CC2D2B: variants seen among roughly 807,000 people sequenced by gnomAD.
CC2D2B encodes coiled-coil and C2 domain containing 2B, also known as protein CC2D2B.
CC2D2B carries 128 observed loss-of-function variants against 161.2 expected under a neutral mutation model. That is an observed-to-expected ratio of 0.79 (90% confidence interval 0.69 to 0.92). The LOEUF (loss-of-function observed/expected upper bound fraction) is 0.92. CC2D2B is among the 40% of genes least tolerant of loss of function. CC2D2B has a pLI of 0.00. For synonymous variants in CC2D2B, 391 were observed against 449.8 expected (o/e 0.87, Z 1.65); for missense variants, 1,173 against 1,375.1 (o/e 0.85, Z 2.32).
chr10:95,966,258 A>G lies in CC2D2B; in HGVS notation c.1422A>G (p.Gln474=). ...TAAAGCCAATTACCTTGAGGCCACA[A>G]CTTTCTTTCACTGCAGAATTAACAA... is the stretch of plus-strand genomic sequence containing the variant. ...ERIKPITLRP[Q]LSFTAELTSL... Residue 474 remains glutamine (Q), a synonymous_variant, in exon 14 of 35, where the codon CAA becomes CAG. Transcript: ENST00000646931. 8.2e-7 allele frequency: 1 copy of G among 1,224,468 alleles called. No homozygotes were observed. 75.9% of individuals were successfully genotyped at this position (1,224,468 alleles called of 1,614,324 possible). A position where few individuals can be genotyped will look rare whatever the true frequency, so the allele number is the denominator to read the frequency against.
chr10:96,019,065 C>T, intron 30 of CC2D2B, 138 bp from the exon 31 acceptor site: 1 of 647,856 alleles, frequency 1.5e-6, no homozygotes, highest in Non-Finnish European at 2.5e-6. Flanking sequence ...CCTCAGCCTC[C>T]CAAAGAGCCG....
chr10:95,931,958 GT>G (rs2075617526), intron 6 of CC2D2B, among the ~76,000 whole-genome samples: 1 of 152,200 alleles, frequency 6.6e-6, no homozygotes, highest in African/African-American at 2.4e-5. Context: ...TCATTCATCT[GT>G]CTAATATTGA....
At chr10:95,971,226 TA>T in intron 15 of CC2D2B, among the ~76,000 whole-genome samples, 1 of 151,818 alleles carries the variant, frequency 6.6e-6, no homozygotes, top group Admixed American at 6.6e-5. Context: ...CCGTCTCTAC[TA>T]AAAATACAAA....
chr10:95,928,348 T>G (rs896981389), intron 6 of CC2D2B, among the ~76,000 whole-genome samples: 2 of 152,060 alleles, frequency 1.3e-5, no homozygotes, highest in Non-Finnish European at 2.9e-5. Context: ...TGCCCTAAGA[T>G]AGTCACTATT....
chr10:96,003,480 G>A (rs568913465), intron 24 of CC2D2B, among the ~76,000 whole-genome samples: 3 of 152,020 alleles, frequency 2.0e-5, no homozygotes, highest in East Asian at 1.9e-4. Context: ...GTGCAGTGGC[G>A]TGATCTCGAC....
intron 30 of CC2D2B, chr10:96,018,773 C>T (rs2079319671): frequency 6.6e-6 from 1 of 151,016 alleles, no homozygotes; most frequent in Admixed American, 6.6e-5. Flanking sequence ...ATGTAAAAGC[C>T]CTCAAAAAGG....
intron 8 of CC2D2B, 39 bp downstream of exon 8, chr10:95,938,744 A>G (rs754475872): frequency 7.1e-6 from 5 of 703,802 alleles, no homozygotes; most frequent in Admixed American, 2.1e-5. Context: ...ACTGGCTACT[A>G]TGTGACTTAT....
At chr10:95,915,345 C>A (rs1273614886) in intron 2 of CC2D2B, among the ~76,000 whole-genome samples, 1 of 151,996 alleles carries the variant, frequency 6.6e-6, no homozygotes, top group African/African-American at 2.4e-5. Flanking sequence ...ATAATTATAT[C>A]ATCTCCAAAC....
At chr10:95,950,979 C>T (rs532530566) in intron 10 of CC2D2B, among the ~76,000 whole-genome samples, 95 of 152,158 alleles carry the variant, frequency 6.2e-4, no homozygotes, top group African/African-American at 2.1e-3. Flanking sequence ...ACCACATGCA[C>T]GGCTAATTTT....
chr10:95,914,402 C>T lies in CC2D2B; in HGVS notation c.36+3043C>T, dbSNP rs143556653. 1.1e-3 allele frequency among the ~76,000 whole-genome samples: 167 copies of T among 152,136 alleles called. 1 individual carries two copies. The highest frequency in any genetic ancestry group is 1.9e-3 in the Non-Finnish European group (129 of 68,000). On this transcript the variant is annotated intron_variant, in intron 2 of 34. Transcript: ENST00000646931. ...ACAGCTCTGTAGCACAATTTGAAGTCAGTGGTATGGTTTGGCTTTTAGTAT... is the reference window on the plus strand; with the variant it reads ...ACAGCTCTGTAGCACAATTTGAAGTTAGTGGTATGGTTTGGCTTTTAGTAT...
chr10:95,916,973 T>C (rs1244607574), intron 2 of CC2D2B, among the ~76,000 whole-genome samples: 1 of 152,156 alleles, frequency 6.6e-6, no homozygotes, highest in African/African-American at 2.4e-5. Context: ...ATCTGTTCAG[T>C]GTTGAAAGTG....
Position 95,982,046 on chromosome 10 carries a change from A to G in CC2D2B, c.2015A>G (p.Glu672Gly). ...CTCATGAATGAACAGAAGCTTTTTG[A>G]ATGGGCAAATGAAGTCAGAATTGAT... is the stretch of plus-strand genomic sequence containing the variant. ...PWLMNEQKLF[E>G]WANEVRIDPN... The change falls in exon 18 of 35, where the codon GAA (glutamate) becomes GGA (glycine). Residue 672 changes from glutamate to glycine, a missense_variant. Coordinates refer to ENST00000646931, the MANE Select transcript of CC2D2B (RefSeq NM_001349008.3). 8.1e-7 allele frequency: 1 copy of G among 1,230,954 alleles called. No individual in the cohort carries two copies. Among genetic ancestry groups the G allele is most frequent in the South Asian group, 4.1e-5 (1 of 24,296 alleles). 76.3% of individuals were successfully genotyped at this position (1,230,954 alleles called of 1,614,324 possible).
intron 30 of CC2D2B, among the ~76,000 whole-genome samples, chr10:96,016,596 A>G (rs775961895): frequency 1.3e-5 from 2 of 152,216 alleles, no homozygotes; most frequent in Non-Finnish European, 2.9e-5. Context: ...ATATTAAGTG[A>G]CTGAGAGCAG....
intron 12 of CC2D2B, among the ~76,000 whole-genome samples, chr10:95,962,520 A>G (rs1242455270): frequency 6.6e-6 from 1 of 152,190 alleles, no homozygotes; most frequent in Non-Finnish European, 1.5e-5. Flanking sequence ...TGGAGCCAGC[A>G]ATCATACTTT....
intron 2 of CC2D2B, chr10:95,913,382 G>T (rs996423701): frequency 1.0e-5 from 4 of 390,108 alleles, no homozygotes; most frequent in African/African-American, 8.5e-5. Context: ...GGACACTTAG[G>T]TTGCTTCCAA....
intron 17 of CC2D2B, among the ~76,000 whole-genome samples, chr10:95,978,019 G>A (rs1196049301): frequency 5.3e-5 from 8 of 152,042 alleles, no homozygotes; most frequent in South Asian, 2.1e-4. Flanking sequence ...ATACAGTACC[G>A]TGAGTATACG....
chr10:95,938,536 TTAAAG>T (rs1276431496), intron 7 of CC2D2B, 28 bp from the exon 8 acceptor site: 2 of 661,436 alleles, frequency 3.0e-6, no homozygotes, highest in Non-Finnish European at 5.5e-6. Context: ...ATTTTGGACT[TTAAAG>T]TAATATCTAA....
Position 95,965,879 on chromosome 10 carries a change from T to G in CC2D2B, c.1251-17T>G. 1 of 1,037,154 alleles carries G rather than the reference T, an allele frequency of 9.6e-7. No individual in the cohort carries two copies. Among genetic ancestry groups the G allele is most frequent in the Non-Finnish European group, 1.2e-6 (1 of 810,562 alleles). The allele number at this position is 1,037,154 out of a possible 1,614,324, so 64.2% of individuals were successfully genotyped here. A position where few individuals can be genotyped will look rare whatever the true frequency, so the allele number is the denominator to read the frequency against. ...CCATTATTTCTGCTTTCAATAATTCTGTTTATTATTAATTAGGATTAAAAT... is the reference window on the plus strand; with the variant it reads ...CCATTATTTCTGCTTTCAATAATTCGGTTTATTATTAATTAGGATTAAAAT... On this transcript the variant is annotated splice_polypyrimidine_tract_variant and intron_variant, in intron 12 of 34. Coordinates refer to ENST00000646931, the MANE Select transcript of CC2D2B (RefSeq NM_001349008.3).
chr10:95,925,599 G>A (rs567684705), intron 5 of CC2D2B, among the ~76,000 whole-genome samples: 2 of 152,314 alleles, frequency 1.3e-5, no homozygotes, highest in Admixed American at 1.3e-4. Flanking sequence ...TTTTTAAAGA[G>A]TTATATTATT....
Sources: allele counts gnomAD v4.1 joint callset (sites outside exome capture counted in the v4.1 genomes callset), GRCh38; gene constraint gnomAD v4.1.1; transcripts MANE v1.5; gene names NCBI Gene and HGNC (gene_info 2026-07-23, HGNC 2026-07-21).